PCDH9: variants seen among roughly 807,000 people sequenced by gnomAD.
PCDH9 encodes the protein protocadherin-9.
A neutral mutation model predicts 70.6 loss-of-function variants in PCDH9; 24 were observed. The observed-to-expected ratio is 0.34, with a 90% CI of 0.25 to 0.48. The LOEUF (loss-of-function observed/expected upper bound fraction) is 0.48. PCDH9 is among the 20% of genes least tolerant of loss of function. The probability of loss-of-function intolerance (pLI) is 0.99; values close to 1 mark genes in which losing one functional copy is unlikely to be tolerated. For synonymous variants in PCDH9, 562 were observed against 558.5 expected, an observed-to-expected ratio of 1.01 and a Z score of -0.09; for missense variants, 1,281 against 1,503.6, an observed-to-expected ratio of 0.85 and a Z score of 2.45.
rs148016003 is a variant in PCDH9, at chr13:66,476,553, G to A, written c.3340+154657C>T. Among the ~76,000 whole-genome samples, 690 of 151,974 alleles carry A rather than the reference G, an allele frequency of 4.5e-3. 28 individuals carry two copies. In the East Asian group the frequency reaches 0.089, roughly 20 times the overall value. On this transcript the variant is annotated intron_variant, in intron 4 of 4. Coordinates refer to ENST00000377865, the MANE Select transcript of PCDH9 (RefSeq NM_203487.3). ...ATAAATTTAAGTAAATGAGAAAGAC[G>A]AGTATACATTCTCAATAGTGGAGAT... is the stretch of plus-strand genomic sequence containing the variant.
intron 3 of PCDH9, among the ~76,000 whole-genome samples, chr13:66,709,677 A>G (rs866229175): frequency 1.3e-5 from 2 of 152,312 alleles, no homozygotes; most frequent in African/African-American, 2.4e-5. Flanking sequence ...TTTGAACAAT[A>G]ATTTTAAAAT....
chr13:66,492,182 A>C (rs1328534711), intron 4 of PCDH9, among the ~76,000 whole-genome samples: 1 of 152,086 alleles, frequency 6.6e-6, no homozygotes, highest in Non-Finnish European at 1.5e-5. Flanking sequence ...TTATATTTAT[A>C]GTTGTTGTGA....
intron 2 of PCDH9, among the ~76,000 whole-genome samples, chr13:67,090,970 A>G (rs1423204919): frequency 2.0e-5 from 3 of 152,048 alleles, no homozygotes; most frequent in Non-Finnish European, 4.4e-5. Flanking sequence ...TTTTTGTTTA[A>G]CATTAGAGAG....
intron 2 of PCDH9, among the ~76,000 whole-genome samples, chr13:67,036,333 C>A (rs2085008571): frequency 6.6e-6 from 1 of 152,126 alleles, no homozygotes; most frequent in South Asian, 2.1e-4. Flanking sequence ...AGGTTCCAGC[C>A]ATTCAAATCT....
At chr13:67,172,758 A>G (rs575235938) in intron 2 of PCDH9, among the ~76,000 whole-genome samples, 2 of 151,652 alleles carry the variant, frequency 1.3e-5, no homozygotes, top group African/African-American at 4.8e-5. Flanking sequence ...CAAGCCTGTA[A>G]TCCCAGCTAC....
At chr13:67,213,383 T>C (rs990827280) in intron 2 of PCDH9, 3 of 152,006 alleles carry the variant, frequency 2.0e-5, no homozygotes, top group African/African-American at 7.2e-5. Flanking sequence ...GAATGCTAAA[T>C]ATTTCAAATA....
At chr13:66,406,972 A>G (rs749882940) in intron 4 of PCDH9, among the ~76,000 whole-genome samples, 3 of 152,178 alleles carry the variant, frequency 2.0e-5, no homozygotes, top group Non-Finnish European at 4.4e-5. Flanking sequence ...ACAGTGGTTT[A>G]GAAAGAAGTA....
At chr13:66,947,373 TA>T (rs1041977393) in intron 2 of PCDH9, among the ~76,000 whole-genome samples, 6 of 152,116 alleles carry the variant, frequency 3.9e-5, no homozygotes, top group African/African-American at 9.7e-5. Flanking sequence ...AATTTTACTG[TA>T]AAAAATAATC....
At chr13:67,223,537 T>A (rs1418739226) in intron 2 of PCDH9, 2 of 152,144 alleles carry the variant, frequency 1.3e-5, no homozygotes, top group African/African-American at 2.4e-5. Context: ...GTAAATAATT[T>A]AAAAAATTTT....
chr13:66,477,766 G>A (rs764649896), intron 4 of PCDH9, among the ~76,000 whole-genome samples: 3 of 152,142 alleles, frequency 2.0e-5, no homozygotes, highest in Non-Finnish European at 2.9e-5. Context: ...ATCCCACAGG[G>A]ATTAGCTTCA....
At chr13:67,225,077 C>T (rs1285062863) in intron 2 of PCDH9, 1 of 1,166,204 alleles carries the variant, frequency 8.6e-7, no homozygotes, top group African/African-American at 1.6e-5. Context: ...TTTGGAAACC[C>T]CCAGGAGCAG....
At chr13:66,626,621 A>G (rs1034876748) in intron 4 of PCDH9, among the ~76,000 whole-genome samples, 3 of 152,206 alleles carry the variant, frequency 2.0e-5, no homozygotes, top group Non-Finnish European at 4.4e-5. Flanking sequence ...TGTCATACCA[A>G]TGCAATAGGA....
chr13:66,319,792 G>C (rs1396194368), intron 4 of PCDH9, among the ~76,000 whole-genome samples: 1 of 151,988 alleles, frequency 6.6e-6, no homozygotes. Context: ...ATGTGGAAAA[G>C]TTTTGTTTTT....
intron 3 of PCDH9, among the ~76,000 whole-genome samples, chr13:66,813,997 G>A (rs896604004): frequency 6.6e-6 from 1 of 152,100 alleles, no homozygotes; most frequent in Non-Finnish European, 1.5e-5. Flanking sequence ...GTCCTAATTG[G>A]TAAAACAGTC....
intron 4 of PCDH9, among the ~76,000 whole-genome samples, chr13:66,524,560 G>C (rs969663092): frequency 1.3e-5 from 2 of 151,988 alleles, no homozygotes; most frequent in Admixed American, 6.6e-5. Flanking sequence ...CAGCTAAAGG[G>C]GGGTGTTAAT....
At chr13:67,113,342 G>T (rs2086693022) in intron 2 of PCDH9, among the ~76,000 whole-genome samples, 1 of 152,088 alleles carries the variant, frequency 6.6e-6, no homozygotes, top group South Asian at 2.1e-4. Flanking sequence ...CTAGAAAAGG[G>T]CAAAGAAAAA....
chr13:66,936,381 C>T (rs1043153266), intron 2 of PCDH9, among the ~76,000 whole-genome samples: 1 of 152,102 alleles, frequency 6.6e-6, no homozygotes, highest in Non-Finnish European at 1.5e-5. Flanking sequence ...GGTCCAAAAA[C>T]TCGATCTAGA....
intron 2 of PCDH9, among the ~76,000 whole-genome samples, chr13:67,108,195 A>G (rs2086585668): frequency 6.6e-6 from 1 of 152,168 alleles, no homozygotes; most frequent in South Asian, 2.1e-4. Flanking sequence ...AAGCTGAGTG[A>G]GTGGAGTAAG....
At chr13:66,597,690 A>T (rs1454587915) in intron 4 of PCDH9, among the ~76,000 whole-genome samples, 1 of 151,822 alleles carries the variant, frequency 6.6e-6, no homozygotes, top group East Asian at 1.9e-4. Context: ...CCTGGATATG[A>T]CACCAAAAGC....
Sources: gnomAD v4.1 joint callset for allele counts (sites outside exome capture counted in the v4.1 genomes callset) on GRCh38, gnomAD v4.1.1 for gene constraint, MANE v1.5 for transcripts, NCBI Gene and HGNC (gene_info 2026-07-23, HGNC 2026-07-21) for gene names.